TRAPPC3L: variants seen among roughly 807,000 people sequenced by gnomAD.
The protein encoded by TRAPPC3L is trafficking protein particle complex subunit 3L.
Under a neutral mutation model 23.7 loss-of-function variants are expected in TRAPPC3L, and 23 were observed. The observed-to-expected ratio is 0.97, with a 90% confidence interval of 0.70 to 1.37. The LOEUF is 1.37. Among genes scored for constraint, TRAPPC3L ranks in the 40% most tolerant of loss-of-function variants. The pLI is 0.00. For missense variants in TRAPPC3L, 212 were observed against 216.8 expected, an observed-to-expected ratio of 0.98 and a Z score of 0.14; for synonymous variants, 81 against 77.9, an observed-to-expected ratio of 1.04 and a Z score of -0.21.
At chr6:116,536,200 A>G (rs1289987730) in intron 3 of TRAPPC3L, among the ~76,000 whole-genome samples, 1 of 152,220 alleles carries the variant, frequency 6.6e-6, no homozygotes, top group East Asian at 1.9e-4. Context: ...ATGAATTTTA[A>G]TGTTGTAGGA....
At chr6:116,519,813 T>C (rs190743529) in intron 3 of TRAPPC3L, 2 of 152,230 alleles carry the variant, frequency 1.3e-5, no homozygotes, top group Non-Finnish European at 2.9e-5. Flanking sequence ...ATTTATCCCA[T>C]GAATAAATTG....
chr6:116,543,627 G>A (rs76042393), intron 1 of TRAPPC3L: 9,920 of 649,128 alleles, frequency 0.015, 469 homozygotes, highest in African/African-American at 0.13. Context: ...AATGAATTTC[G>A]TAACATGATA....
At chr6:116,536,215 G>A (rs1334702620) in intron 3 of TRAPPC3L, among the ~76,000 whole-genome samples, 4 of 152,104 alleles carry the variant, frequency 2.6e-5, no homozygotes, top group Non-Finnish European at 5.9e-5. Flanking sequence ...GTAGGAATGA[G>A]ACTTTATAAT....
At chr6:116,538,868 A>G (rs2115228128) in intron 3 of TRAPPC3L, among the ~76,000 whole-genome samples, 1 of 151,942 alleles carries the variant, frequency 6.6e-6, no homozygotes, top group East Asian at 1.9e-4. Context: ...AGTTGTTGGG[A>G]CTACAGCTGT....
At chr6:116,529,794 T>A (rs774503474) in intron 3 of TRAPPC3L, among the ~76,000 whole-genome samples, 12 of 152,164 alleles carry the variant, frequency 7.9e-5, no homozygotes, top group East Asian at 7.7e-4. Flanking sequence ...AGGGCAGAGA[T>A]TGAATGAAAA....
At chr6:116,527,361 C>CA (rs1446430534) in intron 3 of TRAPPC3L, among the ~76,000 whole-genome samples, 1 of 151,748 alleles carries the variant, frequency 6.6e-6, no homozygotes, top group African/African-American at 2.4e-5. Context: ...ACTAAAAATA[C>CA]AAAAAATTAG....
Position 116,515,507 on chromosome 6 carries a change from G to A in TRAPPC3L, c.241-14841C>T, listed in dbSNP as rs937797479. 7.8e-6 allele frequency: 10 copies of A among 1,282,360 alleles called. No homozygotes were observed. The African/African-American group carries it at 1.2e-4, about 15-fold the overall frequency. The allele number at this position is 1,282,360 out of a possible 1,614,324, so 79.4% of individuals were successfully genotyped here. On this transcript the variant is annotated intron_variant, in intron 3 of 4. Transcript: ENST00000368602. ...TCAAATGAGGTATGTCAAAGACTGTGGTAATAATTTAGCTATACACTTCTC... is the reference window on the plus strand; with the variant it reads ...TCAAATGAGGTATGTCAAAGACTGTAGTAATAATTTAGCTATACACTTCTC...
intron 2 of TRAPPC3L, among the ~76,000 whole-genome samples, chr6:116,542,100 A>G (rs1773499485): frequency 6.6e-6 from 1 of 152,174 alleles, no homozygotes; most frequent in Non-Finnish European, 1.5e-5. Flanking sequence ...TGCAAGTTTA[A>G]CATAAGTCAA....
intron 3 of TRAPPC3L, among the ~76,000 whole-genome samples, chr6:116,501,286 C>T (rs2637665): frequency 0.57 from 87,008 of 151,978 alleles, 26,039 homozygotes; most frequent in African/African-American, 0.75. Context: ...TGAAGCTTGG[C>T]GGGGGGAGGG....
intron 3 of TRAPPC3L, among the ~76,000 whole-genome samples, chr6:116,535,562 C>G (rs918773486): frequency 6.6e-6 from 1 of 152,076 alleles, no homozygotes; most frequent in Non-Finnish European, 1.5e-5. Context: ...TTTTGTATAA[C>G]TAAGGAGGTT....
rs1052778537 is a variant in TRAPPC3L, at chr6:116,540,448, C to G, written c.155G>C (p.Gly52Ala). 6.4e-7 allele frequency: 1 copy of G among 1,551,200 alleles called. No homozygotes were observed. Among genetic ancestry groups the G allele is most frequent in the African/African-American group, 1.4e-5 (1 of 72,990 alleles). Residue 52 changes from glycine to alanine, a missense_variant, in exon 3 of 5, where the codon GGA (glycine) becomes GCA (alanine). By Grantham distance (60) the Gly-to-Ala change is moderately conservative (BLOSUM62 0). Transcript: ENST00000368602. ...QYLDKMGYGIGTRLVEDFLAR... is the reference protein window; with the variant it reads ...QYLDKMGYGIATRLVEDFLAR... ...CAAAAAGTCTTCCACAAGCCGCGTTCCAATGCCGTAACCCCTGTGGATGAC... is the reference window on the plus strand; with the variant it reads ...CAAAAAGTCTTCCACAAGCCGCGTTGCAATGCCGTAACCCCTGTGGATGAC...
At chr6:116,511,556 T>C in intron 3 of TRAPPC3L, 6 of 730,604 alleles carry the variant, frequency 8.2e-6, no homozygotes, top group Non-Finnish European at 1.1e-5. Flanking sequence ...TCCTAAGGAA[T>C]GACATTGTTT....
intron 3 of TRAPPC3L, chr6:116,522,653 GGGAGGAGTAAC>G (rs1196728558): frequency 9.9e-5 from 15 of 152,204 alleles, no homozygotes; most frequent in African/African-American, 3.6e-4. Flanking sequence ...ACATATTATT[GGGAGGAGTAAC>G]ACATTAAACT....
intron 3 of TRAPPC3L, among the ~76,000 whole-genome samples, chr6:116,509,279 C>A (rs1772064763): frequency 6.6e-6 from 1 of 152,024 alleles, no homozygotes; most frequent in African/African-American, 2.4e-5. Flanking sequence ...CCAAAGCAAT[C>A]TACAGATTCA....
chr6:116,501,416 G>T (rs1458664840), intron 3 of TRAPPC3L, among the ~76,000 whole-genome samples: 1 of 152,176 alleles, frequency 6.6e-6, no homozygotes, highest in Admixed American at 6.5e-5. Flanking sequence ...TGCCTCCTTA[G>T]ATTCCACCTC....
intron 3 of TRAPPC3L, among the ~76,000 whole-genome samples, chr6:116,532,256 CT>C (rs1042814129): frequency 6.6e-6 from 1 of 152,118 alleles, no homozygotes; most frequent in African/African-American, 2.4e-5. Context: ...TATTTTCTCT[CT>C]TTTTTGTCTT....
Position 116,516,022 on chromosome 6 carries a change from T to C in TRAPPC3L, c.241-15356A>G, listed in dbSNP as rs372154778. ...ACCATCAATGACTCATGGTGTTGAG[T>C]GGCATGCTCATTCTGTGATCCTCCT... On this transcript the variant is annotated intron_variant, in intron 3 of 4. Transcript: ENST00000368602. 6.4e-5 allele frequency: 99 copies of C among 1,544,408 alleles called. No individual in the cohort carries two copies. In the African/African-American group the frequency reaches 1.1e-3, roughly 18 times the overall value.
chr6:116,505,123 T>C (rs9400927), intron 3 of TRAPPC3L, among the ~76,000 whole-genome samples: 67,121 of 151,972 alleles, frequency 0.44, 15,663 homozygotes, highest in Middle Eastern at 0.58. Context: ...AAAACCCCAT[T>C]GTCTCAGCCC....
In TRAPPC3L at chr6:116,536,627, T is replaced by G. The variant is rs550943265; in HGVS notation, c.240+3736A>C. ...TTCAAATGCATTCCTTCTCTCTCTT[T>G]CCTTCCCTGGAGACAGGACAGAGAT... is the stretch of plus-strand genomic sequence containing the variant. On this transcript the variant is annotated intron_variant, in intron 3 of 4. Coordinates refer to ENST00000368602, the MANE Select transcript of TRAPPC3L (RefSeq NM_001139444.3). 2.2e-4 allele frequency among the ~76,000 whole-genome samples: 34 copies of G among 152,310 alleles called. No individual in the cohort carries two copies. The South Asian group carries it at 3.5e-3, about 16-fold the overall frequency.
Sources: gnomAD v4.1 joint callset for allele counts (sites outside exome capture counted in the v4.1 genomes callset) on GRCh38, gnomAD v4.1.1 for gene constraint, MANE v1.5 for transcripts, NCBI Gene and HGNC (gene_info 2026-07-23, HGNC 2026-07-21) for gene names.